Variants in ADAMTSL1 observed in about 807,000 individuals in gnomAD.
The protein encoded by ADAMTSL1 is ADAMTS-like protein 1.
ADAMTSL1 carries 126 observed loss-of-function variants against 201.8 expected under a neutral mutation model. The observed-to-expected ratio is 0.62, with a 90% CI of 0.54 to 0.72. The LOEUF is 0.72. ADAMTSL1 is among the 30% of genes least tolerant of loss of function. ADAMTSL1 has a pLI of 0.00. For missense variants in ADAMTSL1, 2,679 were observed against 2,277.8 expected (o/e 1.18, Z -3.59); for synonymous variants, 1,121 against 903.4 (o/e 1.24, Z -4.32).
chr9:17,941,745 A>G (rs1363414334), intron 1 of ADAMTSL1, among the ~76,000 whole-genome samples: 2 of 152,124 alleles, frequency 1.3e-5, no homozygotes, highest in East Asian at 1.9e-4. Context: ...CTACTATAAT[A>G]CACTACTTGT....
At chr9:18,138,611 G>A (rs924787310) in intron 1 of ADAMTSL1, among the ~76,000 whole-genome samples, 3 of 152,078 alleles carry the variant, frequency 2.0e-5, no homozygotes, top group East Asian at 1.9e-4. Flanking sequence ...TTGAAAACAC[G>A]TTTTCGTAGT....
At chr9:18,428,004 C>CA (rs1587171257) in intron 2 of ADAMTSL1, among the ~76,000 whole-genome samples, 2 of 152,314 alleles carry the variant, frequency 1.3e-5, no homozygotes, top group East Asian at 3.9e-4. Context: ...AGCTGTCAGG[C>CA]AGTTTGCCAC....
chr9:18,068,215 T>C (rs992186206), intron 1 of ADAMTSL1, among the ~76,000 whole-genome samples: 1 of 152,120 alleles, frequency 6.6e-6, no homozygotes, highest in African/African-American at 2.4e-5. Context: ...AGTGAGAGTG[T>C]AAGTGCAGTT....
chr9:18,808,635 C>T (rs1478598090), intron 20 of ADAMTSL1, among the ~76,000 whole-genome samples: 2 of 152,216 alleles, frequency 1.3e-5, no homozygotes, highest in African/African-American at 4.8e-5. Context: ...CTCTAAAGCT[C>T]TCTGGTCCCT....
chr9:17,988,550 C>CT (rs1335162121), intron 1 of ADAMTSL1, among the ~76,000 whole-genome samples: 2 of 149,670 alleles, frequency 1.3e-5, no homozygotes, highest in Non-Finnish European at 3.0e-5. Context: ...CCTTATTGTT[C>CT]TTTTTTCTTT....
At chr9:17,914,678 T>G (rs28807383) in intron 1 of ADAMTSL1, among the ~76,000 whole-genome samples, 4 of 151,576 alleles carry the variant, frequency 2.6e-5, no homozygotes, top group Admixed American at 2.0e-4. Flanking sequence ...CCAGGGCAAT[T>G]AGGCAGGAGA....
At chr9:18,833,683 C>T (rs10963789) in intron 23 of ADAMTSL1, among the ~76,000 whole-genome samples, 5 of 152,030 alleles carry the variant, frequency 3.3e-5, no homozygotes, top group East Asian at 1.9e-4. Context: ...GTTGTGCAGA[C>T]GCTCTTTAAT....
chr9:18,508,243 CAG>C (rs1207465094), intron 2 of ADAMTSL1, among the ~76,000 whole-genome samples: 7 of 151,880 alleles, frequency 4.6e-5, no homozygotes, highest in Admixed American at 1.3e-4. Context: ...TGTTTGGAAT[CAG>C]AGATTCTCAA....
intron 2 of ADAMTSL1, among the ~76,000 whole-genome samples, chr9:18,306,048 G>A (rs141643578): frequency 6.6e-6 from 1 of 152,252 alleles, no homozygotes; most frequent in East Asian, 1.9e-4. Flanking sequence ...AGCCTCCACT[G>A]GTGATACCCA....
intron 2 of ADAMTSL1, among the ~76,000 whole-genome samples, chr9:18,187,726 G>T (rs1022698828): frequency 3.9e-5 from 6 of 151,986 alleles, no homozygotes; most frequent in African/African-American, 1.4e-4. Flanking sequence ...CAATAAATAT[G>T]TAATAAGAAG....
chr9:18,028,890 T>C (rs1350802673), intron 1 of ADAMTSL1, among the ~76,000 whole-genome samples: 1 of 152,218 alleles, frequency 6.6e-6, no homozygotes, highest in Non-Finnish European at 1.5e-5. Context: ...TTCCTACCCA[T>C]GAGCATGGAA....
At chr9:18,286,366 T>C (rs1832993094) in intron 2 of ADAMTSL1, among the ~76,000 whole-genome samples, 1 of 152,212 alleles carries the variant, frequency 6.6e-6, no homozygotes, top group Non-Finnish European at 1.5e-5. Context: ...TTCCTTTGAA[T>C]ATACATGATG....
intron 2 of ADAMTSL1, among the ~76,000 whole-genome samples, chr9:18,272,601 TA>T (rs1832422194): frequency 6.6e-6 from 1 of 152,250 alleles, no homozygotes; most frequent in African/African-American, 2.4e-5. Flanking sequence ...TTTTTGGATT[TA>T]AACAGTGAAG....
intron 23 of ADAMTSL1, among the ~76,000 whole-genome samples, chr9:18,886,497 A>G (rs1466435696): frequency 1.3e-5 from 2 of 151,844 alleles, no homozygotes; most frequent in African/African-American, 4.8e-5. Context: ...TATAACAGAC[A>G]TATAAAAACT....
intron 15 of ADAMTSL1, chr9:18,723,137 T>A: frequency 1.3e-6 from 1 of 742,398 alleles, no homozygotes; most frequent in East Asian, 2.5e-5. Context: ...TGTCTGCCCT[T>A]TATGTTTCCA....
At chr9:18,425,154 A>C (rs1819149736) in intron 2 of ADAMTSL1, among the ~76,000 whole-genome samples, 2 of 145,242 alleles carry the variant, frequency 1.4e-5, no homozygotes, top group Non-Finnish European at 1.5e-5. Flanking sequence ...CTCCCCCTCC[A>C]CTCCACTCTC....
At chr9:18,324,371 A>G (rs1258503268) in intron 2 of ADAMTSL1, among the ~76,000 whole-genome samples, 1 of 152,094 alleles carries the variant, frequency 6.6e-6, no homozygotes, top group Non-Finnish European at 1.5e-5. Flanking sequence ...ATAGCATAGG[A>G]GAAAATCTTG....
intron 13 of ADAMTSL1, among the ~76,000 whole-genome samples, chr9:18,688,861 T>C (rs1831035793): frequency 6.7e-6 from 1 of 149,838 alleles, no homozygotes; most frequent in African/African-American, 2.5e-5. Flanking sequence ...TCTGGGAGAG[T>C]TCCATTTTTC....
In ADAMTSL1 at chr9:18,180,551, A is replaced by G. The variant is rs887888271; in HGVS notation, c.207+16570A>G. Among the ~76,000 whole-genome samples, 130 of 151,058 alleles carry G rather than the reference A, an allele frequency of 8.6e-4. 1 individual carries two copies. Among genetic ancestry groups the G allele is most frequent in the Non-Finnish European group, 1.8e-3 (119 of 67,630 alleles). On this transcript the variant is annotated intron_variant, in intron 2 of 29. Coordinates refer to the ADAMTSL1 transcript ENST00000680146. ...CCGTGTCAAAAAAAAAAAAAAAAAA[A>G]AAAATACCTAAGAATCCAACTTACC...
Sources: allele counts gnomAD v4.1 joint callset (sites outside exome capture counted in the v4.1 genomes callset), GRCh38; gene constraint gnomAD v4.1.1; transcripts MANE v1.5; gene names NCBI Gene and HGNC (gene_info 2026-07-23, HGNC 2026-07-21).